The following DRC12 variants were observed in gnomAD, a reference collection of about 807,000 sequenced individuals.
The protein encoded by DRC12 is dynein regulatory complex protein 12.
the DRC12 span, among the ~76,000 whole-genome samples, chr11:119,191,589 C>T: frequency 0.011 from 1,659 of 151,702 alleles, 10 homozygotes; most frequent in Non-Finnish European, 0.015. Context: ...GGCGGATTAC[C>T]TGAGGTCAGG....
At chr11:119,195,460 TC>T in the DRC12 span, 1 of 1,551,464 alleles carries the variant, frequency 6.4e-7, no homozygotes, top group African/African-American at 1.4e-5. Context: ...CCAGATTTCT[TC>T]CCTTTTTCTT....
the DRC12 span, chr11:119,195,367 T>C: frequency 4.8e-6 from 7 of 1,460,094 alleles, no homozygotes; most frequent in South Asian, 8.5e-5. Flanking sequence ...GAGCTCTGCG[T>C]GGTCTTCATG....
the DRC12 span, chr11:119,193,277 G>A: frequency 1.3e-6 from 2 of 1,563,108 alleles, no homozygotes; most frequent in Non-Finnish European, 1.8e-6. Context: ...CAGGGACCCA[G>A]GTTGGAGATG....
the DRC12 span, chr11:119,195,171 T>C: frequency 1.6e-6 from 1 of 633,224 alleles, no homozygotes; most frequent in Admixed American, 2.8e-5. Flanking sequence ...GACCAGCACA[T>C]AACAGATATG....
the DRC12 span, among the ~76,000 whole-genome samples, chr11:119,194,613 G>A: frequency 4.0e-5 from 6 of 150,578 alleles, no homozygotes; most frequent in African/African-American, 4.9e-5. Context: ...AGGCTGAGGC[G>A]GGAAGATTGT....
chr11:119,194,815 T>G, the DRC12 span: 1 of 698,588 alleles, frequency 1.4e-6, no homozygotes. Context: ...ATGGTTAGGG[T>G]CAACTTAACC....
chr11:119,190,862 G>C, the DRC12 span: 1 of 1,606,654 alleles, frequency 6.2e-7, no homozygotes, highest in Non-Finnish European at 8.5e-7. This position sits in a 1 kb window ranked among gnomAD's most constrained non-coding sequence, Gnocchi z 4.2. Context: ...CAGGATGAAA[G>C]AGAGCAGGAT....
chr11:119,191,392 C>A, the DRC12 span, among the ~76,000 whole-genome samples: 4 of 151,952 alleles, frequency 2.6e-5, no homozygotes, highest in African/African-American at 4.8e-5. Flanking sequence ...GCCACCGCGG[C>A]TGGCTGGTGT....
At chr11:119,193,163 G>A in the DRC12 span, 75 of 1,614,052 alleles carry the variant, frequency 4.6e-5, no homozygotes, top group African/African-American at 4.9e-4. Context: ...AGCTGCCCCC[G>A]AAGGCCTTTG....
the DRC12 span, chr11:119,193,568 C>A: frequency 7.0e-7 from 1 of 1,431,888 alleles, no homozygotes; most frequent in Non-Finnish European, 9.1e-7. Context: ...TCCTGGAAGG[C>A]CCCTGCCTGG....
the DRC12 span, chr11:119,190,421 C>T: frequency 3.7e-6 from 6 of 1,613,994 alleles, no homozygotes; most frequent in South Asian, 5.5e-5. This position sits in a 1 kb window ranked among gnomAD's most constrained non-coding sequence, Gnocchi z 4.2. Context: ...CTTGATGGCT[C>T]TCAGCTTGGC....
the DRC12 span, chr11:119,194,917 C>T: frequency 6.4e-7 from 1 of 1,551,174 alleles, no homozygotes; most frequent in Non-Finnish European, 8.7e-7. Flanking sequence ...CTTCTACCCT[C>T]CTTACCCAAG....
chr11:119,194,515 CAAAA>C, the DRC12 span, among the ~76,000 whole-genome samples: 564 of 27,466 alleles, frequency 0.021, 7 homozygotes, highest in African/African-American at 0.098. Flanking sequence ...GACTCTGTCT[CAAAA>C]AAAAAAAAAA....
the DRC12 span, chr11:119,193,248 G>A: frequency 1.2e-6 from 2 of 1,613,620 alleles, no homozygotes; most frequent in East Asian, 4.5e-5. Context: ...TCATCTCTGG[G>A]GTGGGGGCAG....
At chr11:119,191,059 T>A in the DRC12 span, among the ~76,000 whole-genome samples, 3 of 151,756 alleles carry the variant, frequency 2.0e-5, no homozygotes, top group East Asian at 5.8e-4. Flanking sequence ...GATTACTACC[T>A]AGGTGACCAC....
the DRC12 span, among the ~76,000 whole-genome samples, chr11:119,192,038 C>T: frequency 6.7e-6 from 1 of 148,570 alleles, no homozygotes; most frequent in Non-Finnish European, 1.5e-5. Flanking sequence ...TGCAGTGGTG[C>T]GATCTCGGCT....
At chr11:119,195,016 C>A in the DRC12 span, 5 of 1,541,948 alleles carry the variant, frequency 3.2e-6, no homozygotes, top group Non-Finnish European at 4.4e-6. Context: ...AGTGGCAGAG[C>A]CTCAGCTCTT....
At chr11:119,190,396 C>T in the DRC12 span, 34 of 1,613,792 alleles carry the variant, frequency 2.1e-5, 1 homozygote, top group East Asian at 1.1e-4. This position sits in a 1 kb window ranked among gnomAD's most constrained non-coding sequence, Gnocchi z 4.2. Flanking sequence ...TCAGTGCTGC[C>T]CCATCCCACT....
At chr11:119,191,104 CT>C in the DRC12 span, among the ~76,000 whole-genome samples, 35,731 of 143,164 alleles carry the variant, frequency 0.25, 4,199 homozygotes, top group East Asian at 0.39. Context: ...GTGTCTTCAT[CT>C]TTTTTTTTTT....
Sources: gnomAD v4.1 joint callset for allele counts (sites outside exome capture counted in the v4.1 genomes callset) on GRCh38, gnomAD v4.1.1 for gene constraint, Gnocchi (gnomAD v3.1) non-coding constraint, MANE v1.5 for transcripts, NCBI Gene and HGNC (gene_info 2026-07-23, HGNC 2026-07-21) for gene names.